Variants in IL1RAPL2 observed in about 807,000 individuals in gnomAD.
The protein encoded by IL1RAPL2 is interleukin 1 receptor accessory protein like 2, also known as X-linked interleukin-1 receptor accessory protein-like 2.
IL1RAPL2 carries 3 observed loss-of-function variants against 44.1 expected under a neutral mutation model. The observed-to-expected ratio is 0.07, with a 90% CI of 0.03 to 0.18. The LOEUF is 0.18. Ranked by LOEUF, IL1RAPL2 falls within the 10% of genes least tolerant of loss-of-function variation. The probability of loss-of-function intolerance (pLI) is 1.00; values close to 1 mark genes in which losing one functional copy is unlikely to be tolerated. For synonymous variants in IL1RAPL2, 181 were observed against 178.8 expected, an observed-to-expected ratio of 1.01 and a Z score of -0.10; for missense variants, 391 against 496.4, an observed-to-expected ratio of 0.79 and a Z score of 2.02.
chrX:105,458,839 C>A (rs1025993950), intron 5 of IL1RAPL2, among the ~76,000 whole-genome samples: 1 of 111,529 alleles, frequency 9.0e-6, no homozygotes, highest in African/African-American at 3.3e-5. Flanking sequence ...AGCTTTCAGA[C>A]AGGTCGAATA....
intron 5 of IL1RAPL2, among the ~76,000 whole-genome samples, chrX:105,327,856 CT>C (rs1387041393): frequency 3.6e-5 from 4 of 111,700 alleles, no homozygotes; most frequent in Non-Finnish European, 5.6e-5. Context: ...GGCATTTTAC[CT>C]TTTTTATGTA....
At chrX:105,273,453 T>C (rs1028882088) in intron 5 of IL1RAPL2, among the ~76,000 whole-genome samples, 2 of 111,298 alleles carry the variant, frequency 1.8e-5, no homozygotes, top group African/African-American at 6.5e-5. Context: ...TACTCTAACT[T>C]TCTCTCCACT....
intron 2 of IL1RAPL2, among the ~76,000 whole-genome samples, chrX:104,886,400 C>T (rs940362449): frequency 5.4e-5 from 6 of 111,790 alleles, no homozygotes; most frequent in Non-Finnish European, 1.1e-4. Flanking sequence ...TAAAAGACCC[C>T]ACCACTTTTC....
intron 6 of IL1RAPL2, among the ~76,000 whole-genome samples, chrX:105,568,474 T>A (rs1473664437): frequency 8.9e-6 from 1 of 112,157 alleles, no homozygotes; most frequent in East Asian, 2.8e-4. Flanking sequence ...GTGACACTTT[T>A]AGAGGTAACG....
intron 2 of IL1RAPL2, among the ~76,000 whole-genome samples, chrX:104,800,214 T>C (rs925593385): frequency 1.2e-4 from 13 of 111,701 alleles, no homozygotes; most frequent in African/African-American, 4.2e-4. Context: ...GAATCTCAAC[T>C]TTGCCTAATA....
intron 6 of IL1RAPL2, among the ~76,000 whole-genome samples, chrX:105,538,036 T>TTC (rs1224838575): frequency 5.4e-5 from 5 of 92,895 alleles, no homozygotes; most frequent in African/African-American, 2.1e-4. Flanking sequence ...TCCCTTCTTT[T>TTC]TTTTTTTTTT....
Position 105,299,499 on chromosome X carries a change from T to C in IL1RAPL2, c.697+31958T>C, listed in dbSNP as rs1399538438. On this transcript the variant is annotated intron_variant, in intron 5 of 10. Transcript: ENST00000372582. ...AGGGTGAAGCCATGGGACAGCAAGA[T>C]GAGGAAGCTGTATTCTCATGCTAAT... Among the ~76,000 whole-genome samples, 3 of 111,386 alleles carry C rather than the reference T, an allele frequency of 2.7e-5. No homozygotes were observed. In the South Asian group the frequency reaches 1.1e-3, roughly 43 times the overall value.
intron 2 of IL1RAPL2, among the ~76,000 whole-genome samples, chrX:105,131,863 C>T (rs116332636): frequency 3.6e-5 from 4 of 110,954 alleles, no homozygotes; most frequent in African/African-American, 6.6e-5. Context: ...AAGCCCAAGG[C>T]GTAGGCATAC....
intron 7 of IL1RAPL2, among the ~76,000 whole-genome samples, chrX:105,731,623 A>C (rs2038406951): frequency 9.0e-6 from 1 of 111,155 alleles, no homozygotes; most frequent in African/African-American, 3.3e-5. Flanking sequence ...GTGGAATCCT[A>C]TTCTGCCATA....
intron 2 of IL1RAPL2, among the ~76,000 whole-genome samples, chrX:104,684,399 G>C (rs1200526238): frequency 8.9e-6 from 1 of 112,051 alleles, no homozygotes; most frequent in East Asian, 2.8e-4. Flanking sequence ...TAGCTCATAT[G>C]CTAAATTGAT....
intron 2 of IL1RAPL2, among the ~76,000 whole-genome samples, chrX:104,870,038 T>C (rs762001440): frequency 8.9e-6 from 1 of 112,222 alleles, no homozygotes; most frequent in East Asian, 2.8e-4. Flanking sequence ...GCCTCTGGGA[T>C]GTTGTGGTTT....
intron 2 of IL1RAPL2, among the ~76,000 whole-genome samples, chrX:104,681,362 T>C (rs770143305): frequency 6.2e-5 from 7 of 112,325 alleles, no homozygotes; most frequent in African/African-American, 2.3e-4. Context: ...CAAGTTCCCC[T>C]GAGGGTCAAT....
chrX:105,517,886 T>C (rs1238432081), intron 6 of IL1RAPL2, among the ~76,000 whole-genome samples: 2 of 109,446 alleles, frequency 1.8e-5, no homozygotes, highest in African/African-American at 3.3e-5. Context: ...ACTTAGGGGG[T>C]TGAGGAGAAA....
intron 2 of IL1RAPL2, among the ~76,000 whole-genome samples, chrX:105,072,673 G>C (rs1303838730): frequency 9.1e-6 from 1 of 110,419 alleles, no homozygotes; most frequent in Non-Finnish European, 1.9e-5. Context: ...AAGTTCTGTG[G>C]TATATGTAGA....
chrX:104,820,381 T>C (rs1402434548), intron 2 of IL1RAPL2, among the ~76,000 whole-genome samples: 1 of 111,931 alleles, frequency 8.9e-6, no homozygotes, highest in Non-Finnish European at 1.9e-5. Context: ...CATATTTTGC[T>C]TGGTCTAGCC....
At chrX:105,402,200 C>T (rs947545983) in intron 5 of IL1RAPL2, among the ~76,000 whole-genome samples, 4 of 111,069 alleles carry the variant, frequency 3.6e-5, no homozygotes, top group South Asian at 3.7e-4. Context: ...TGAAGTAATA[C>T]AGAGTTGCAA....
At chrX:104,956,461 AGTGT>A (rs59541869) in intron 2 of IL1RAPL2, among the ~76,000 whole-genome samples, 103 of 84,086 alleles carry the variant, frequency 1.2e-3, no homozygotes, top group Admixed American at 3.4e-3. Context: ...GTCTCTACTA[AGTGT>A]GTGTGTGTGT....
chrX:104,732,199 A>G, intron 2 of IL1RAPL2, among the ~76,000 whole-genome samples: 1 of 111,837 alleles, frequency 8.9e-6, no homozygotes, highest in Admixed American at 9.5e-5. Flanking sequence ...GAGAAGGAGA[A>G]CTAACAGAAG....
At chrX:105,608,505 CAG>C (rs2037312257) in intron 6 of IL1RAPL2, among the ~76,000 whole-genome samples, 1 of 111,836 alleles carries the variant, frequency 8.9e-6, no homozygotes. Flanking sequence ...AACAAAAAAG[CAG>C]AGAGTATATG....
Sources: allele counts gnomAD v4.1 joint callset (sites outside exome capture counted in the v4.1 genomes callset), GRCh38; gene constraint gnomAD v4.1.1; transcripts MANE v1.5; gene names NCBI Gene and HGNC (gene_info 2026-07-23, HGNC 2026-07-21).